Variants in CNTN6 observed in about 807,000 individuals in gnomAD.
CNTN6 encodes contactin 6, also known as contactin-6.
CNTN6 carries 137 observed loss-of-function variants against 122.8 expected under a neutral mutation model. That is an observed-to-expected ratio of 1.12 (90% CI 0.97 to 1.29). The LOEUF (loss-of-function observed/expected upper bound fraction) is 1.29. Ranked by LOEUF, CNTN6 falls within the 50% of genes most tolerant of loss-of-function variation. The pLI, the probability that CNTN6 is intolerant of heterozygous loss-of-function variation, is 0.00. For missense variants in CNTN6, 1,634 were observed against 1,223.4 expected (o/e 1.34, Z -5.01); for synonymous variants, 570 against 426.0 (o/e 1.34, Z -4.16).
chr3:1,103,560 A>G (rs374455182), intron 1 of CNTN6, among the ~76,000 whole-genome samples: 9 of 152,308 alleles, frequency 5.9e-5, no homozygotes, highest in African/African-American at 2.2e-4. Context: ...GTACGGAGTG[A>G]TTTTGCAATA....
At chr3:1,127,203 G>A (rs1015536746) in intron 1 of CNTN6, among the ~76,000 whole-genome samples, 2 of 151,724 alleles carry the variant, frequency 1.3e-5, no homozygotes, top group Admixed American at 6.6e-5. Flanking sequence ...AAATAGGGTT[G>A]CTTCAAAGAC....
At chr3:1,149,153 G>C (rs2125175498) in intron 2 of CNTN6, among the ~76,000 whole-genome samples, 2 of 152,238 alleles carry the variant, frequency 1.3e-5, no homozygotes, top group Middle Eastern at 6.8e-3. Flanking sequence ...GGCTGTTTTT[G>C]TAAACAACCA....
chr3:1,385,557 G>A (rs1692751557), intron 19 of CNTN6, 54 bp from the exon 20 acceptor site: 3 of 1,406,494 alleles, frequency 2.1e-6, no homozygotes, highest in Admixed American at 4.1e-5. Context: ...GGTAAAAAAT[G>A]ATTGATAGTT....
chr3:1,289,790 T>G (rs756333732), intron 5 of CNTN6, among the ~76,000 whole-genome samples: 3 of 150,854 alleles, frequency 2.0e-5, no homozygotes, highest in African/African-American at 7.3e-5. Flanking sequence ...TTCTCCTGCC[T>G]CAGTCTCCCC....
At chr3:1,338,707 A>G (rs1233006941) in intron 11 of CNTN6, among the ~76,000 whole-genome samples, 5 of 152,180 alleles carry the variant, frequency 3.3e-5, no homozygotes, top group African/African-American at 1.2e-4. Context: ...AAAATTTTAC[A>G]TAAATATTCA....
At chr3:1,360,598 A>G (rs1486771477) in intron 12 of CNTN6, among the ~76,000 whole-genome samples, 1 of 150,832 alleles carries the variant, frequency 6.6e-6, no homozygotes, top group Non-Finnish European at 1.5e-5. Context: ...GTATGTATAC[A>G]CGTATTTTTT....
At chr3:1,297,638 C>CTTTT (rs71303106) in intron 6 of CNTN6, among the ~76,000 whole-genome samples, 1 of 138,540 alleles carries the variant, frequency 7.2e-6, no homozygotes, top group Non-Finnish European at 1.6e-5. Context: ...TTGTTTTTTT[C>CTTTT]TTTTTTTTTT....
intron 7 of CNTN6, among the ~76,000 whole-genome samples, chr3:1,307,162 T>C (rs975458022): frequency 4.6e-5 from 7 of 152,168 alleles, no homozygotes; most frequent in Non-Finnish European, 8.8e-5. Context: ...ACACATTCTC[T>C]TGGGATCAGC....
intron 19 of CNTN6, among the ~76,000 whole-genome samples, chr3:1,384,234 T>A (rs981300945): frequency 1.2e-4 from 19 of 152,312 alleles, no homozygotes; most frequent in African/African-American, 4.6e-4. Context: ...TACCACAACA[T>A]CATTTTTCAA....
At chr3:1,195,821 A>G (rs1044858518) in intron 2 of CNTN6, among the ~76,000 whole-genome samples, 1 of 152,144 alleles carries the variant, frequency 6.6e-6, no homozygotes, top group Non-Finnish European at 1.5e-5. Context: ...TCTTATTTCT[A>G]CATTTTTGGG....
intron 1 of CNTN6, among the ~76,000 whole-genome samples, chr3:1,138,221 A>G (rs1392219968): frequency 6.6e-6 from 1 of 152,078 alleles, no homozygotes; most frequent in Admixed American, 6.6e-5. Context: ...TGGAACTAGC[A>G]CCTCCCTGGT....
intron 2 of CNTN6, among the ~76,000 whole-genome samples, chr3:1,151,619 C>A (rs1209433330): frequency 6.6e-6 from 1 of 152,074 alleles, no homozygotes; most frequent in Non-Finnish European, 1.5e-5. Context: ...ATATTAGAAA[C>A]TATGATGTGC....
intron 3 of CNTN6, among the ~76,000 whole-genome samples, chr3:1,221,225 AAAAG>A (rs2094203605): frequency 6.6e-6 from 1 of 152,266 alleles, no homozygotes; most frequent in African/African-American, 2.4e-5. Context: ...AGCCAGGAAG[AAAAG>A]AAAGATAAAA....
Position 1,386,860 on chromosome 3 carries a change from A to C in CNTN6, c.2704+1063A>C, listed in dbSNP as rs143124519. Reference sequence around the variant, plus strand: ...TATTTGGAAAGAAGAGATGGTTAAGAAGAGTTTGAAAATAAAGTTATATTA... The same window carrying C: ...TATTTGGAAAGAAGAGATGGTTAAGCAGAGTTTGAAAATAAAGTTATATTA... On this transcript the variant is annotated intron_variant, in intron 20 of 22. Transcript: ENST00000446702. Among the ~76,000 whole-genome samples, 472 of 152,182 alleles carry C rather than the reference A, an allele frequency of 3.1e-3. 2 individuals are homozygous for C. The highest frequency in any genetic ancestry group is 0.01 in the African/African-American group (431 of 41,480).
At chr3:1,283,628 T>A (rs1693843271) in intron 5 of CNTN6, among the ~76,000 whole-genome samples, 1 of 152,170 alleles carries the variant, frequency 6.6e-6, no homozygotes, top group Non-Finnish European at 1.5e-5. Flanking sequence ...TCTACAATAA[T>A]TAAACCCCCC....
intron 2 of CNTN6, among the ~76,000 whole-genome samples, chr3:1,169,064 A>T (rs1196573740): frequency 6.6e-6 from 1 of 152,158 alleles, no homozygotes; most frequent in Non-Finnish European, 1.5e-5. Context: ...GGATGCAGTG[A>T]GTGGCAGAGG....
intron 1 of CNTN6, among the ~76,000 whole-genome samples, chr3:1,097,790 G>C (rs931784652): frequency 3.3e-5 from 5 of 152,072 alleles, no homozygotes; most frequent in African/African-American, 1.2e-4. Flanking sequence ...TAGTTGTTTA[G>C]TTATTGTTAT....
At chr3:1,127,130 ATTTC>A (rs1251593454) in intron 1 of CNTN6, among the ~76,000 whole-genome samples, 7 of 151,686 alleles carry the variant, frequency 4.6e-5, no homozygotes, top group African/African-American at 1.7e-4. Flanking sequence ...AGTGTTTACT[ATTTC>A]ATTTACGAGC....
At chr3:1,267,350 T>G (rs1428642306) in intron 4 of CNTN6, among the ~76,000 whole-genome samples, 2 of 152,158 alleles carry the variant, frequency 1.3e-5, no homozygotes, top group Non-Finnish European at 2.9e-5. Context: ...TTTTATTTTT[T>G]TAGTTATGTG....
Sources: allele counts gnomAD v4.1 joint callset (sites outside exome capture counted in the v4.1 genomes callset), GRCh38; gene constraint gnomAD v4.1.1; transcripts MANE v1.5; gene names NCBI Gene and HGNC (gene_info 2026-07-23, HGNC 2026-07-21).